Variants in LRRC4C observed in about 807,000 individuals in gnomAD.
LRRC4C encodes leucine-rich repeat-containing protein 4C.
In LRRC4C, 5 loss-of-function variants were observed where a neutral mutation model predicts 33.6. That is an observed-to-expected ratio of 0.15 (90% CI 0.08 to 0.31). The LOEUF is 0.31. Among genes scored for constraint, LRRC4C ranks in the 10% least tolerant of loss-of-function variants. LRRC4C has a pLI of 1.00. For synonymous variants in LRRC4C, 329 were observed against 302.0 expected, an observed-to-expected ratio of 1.09 and a Z score of -0.93; for missense variants, 560 against 796.7, an observed-to-expected ratio of 0.70 and a Z score of 3.58.
chr11:40,268,555 A>C (rs1942453908), intron 4 of LRRC4C, among the ~76,000 whole-genome samples: 1 of 152,160 alleles, frequency 6.6e-6, no homozygotes, highest in Non-Finnish European at 1.5e-5. Flanking sequence ...GAAGATGGAG[A>C]GATATTAAAG....
At chr11:41,377,946 C>G (rs1037131455) in intron 1 of LRRC4C, among the ~76,000 whole-genome samples, 2 of 152,110 alleles carry the variant, frequency 1.3e-5, no homozygotes, top group African/African-American at 2.4e-5. Context: ...GTGTAGTAAT[C>G]ACTTTCCCTT....
intron 3 of LRRC4C, among the ~76,000 whole-genome samples, chr11:40,527,276 A>C (rs757174815): frequency 9.2e-5 from 14 of 152,168 alleles, no homozygotes; most frequent in Non-Finnish European, 2.1e-4. Context: ...AATATACTTT[A>C]CGTGCTTATT....
chr11:40,115,801 A>C lies in LRRC4C; in HGVS notation c.492T>G (p.Pro164=). 2 of 1,614,164 alleles carry C rather than the reference A, an allele frequency of 1.2e-6. No individual in the cohort carries two copies. The highest frequency in any genetic ancestry group is 1.7e-6 in the Non-Finnish European group (2 of 1,180,016). ...WLRNNPIESI[P]SYAFNRIPSL... ...AAGGAATTCTGTTAAAAGCATAAGA[A>C]GGGATGCTTTCAATGGGGTTGTTTC... Residue 164 remains proline, a synonymous_variant, in exon 7 of 7, where the codon CCT becomes CCG. Transcript: ENST00000528697. This position sits in a 1 kb window ranked among gnomAD's most constrained non-coding sequence, Gnocchi z 6.7.
chr11:40,573,748 G>A (rs886540009), intron 3 of LRRC4C, among the ~76,000 whole-genome samples: 5 of 152,186 alleles, frequency 3.3e-5, no homozygotes, highest in African/African-American at 1.2e-4. Flanking sequence ...ATTAACTAAT[G>A]CTTTGACAGA....
At chr11:40,733,789 C>T (rs1349152955) in intron 2 of LRRC4C, among the ~76,000 whole-genome samples, 2 of 152,108 alleles carry the variant, frequency 1.3e-5, no homozygotes, top group Admixed American at 1.3e-4. Flanking sequence ...CCTTCAAATA[C>T]CCATTACTCA....
chr11:40,449,473 A>T (rs1239425842), intron 3 of LRRC4C, among the ~76,000 whole-genome samples: 2 of 152,170 alleles, frequency 1.3e-5, no homozygotes, highest in African/African-American at 4.8e-5. Flanking sequence ...TACTCTAGTG[A>T]TGTAAAAAAT....
intron 2 of LRRC4C, among the ~76,000 whole-genome samples, chr11:40,827,194 G>A (rs1952203000): frequency 6.6e-6 from 1 of 151,786 alleles, no homozygotes; most frequent in African/African-American, 2.4e-5. Flanking sequence ...AACGTATCTA[G>A]GAGGCTGGTT....
At position 40,385,998 on chromosome 11, in the gene LRRC4C, A is replaced by G. The variant is rs143278414; in HGVS notation, c.-269-66277T>C. 1.5e-4 allele frequency among the ~76,000 whole-genome samples: 23 copies of G among 151,470 alleles called. No individual in the cohort carries two copies. The East Asian group carries it at 3.3e-3, about 22-fold the overall frequency. The stretch of plus-strand genomic sequence containing the variant: ...GTATGCCAAATCTCAGCAACATGCA[A>G]TTTAACCTATGTAACAAATCTGCAC... On this transcript the variant is annotated intron_variant, in intron 3 of 6. Transcript: ENST00000528697.
chr11:40,720,813 G>A (rs1484656765), intron 2 of LRRC4C, among the ~76,000 whole-genome samples: 1 of 152,158 alleles, frequency 6.6e-6, no homozygotes, highest in Non-Finnish European at 1.5e-5. Flanking sequence ...TTTATAGTAT[G>A]ATGTATAGGT....
At chr11:40,946,934 G>A (rs1199498868) in intron 1 of LRRC4C, among the ~76,000 whole-genome samples, 1 of 152,018 alleles carries the variant, frequency 6.6e-6, no homozygotes, top group Non-Finnish European at 1.5e-5. Context: ...GCCCACAGTG[G>A]AATAAAAATA....
intron 3 of LRRC4C, among the ~76,000 whole-genome samples, chr11:40,484,672 T>C (rs1374517020): frequency 6.6e-6 from 1 of 151,978 alleles, no homozygotes; most frequent in Non-Finnish European, 1.5e-5. Context: ...AATCAAAACA[T>C]ACAAAACTTA....
chr11:40,279,914 A>G (rs1303432176), intron 4 of LRRC4C, among the ~76,000 whole-genome samples: 2 of 152,186 alleles, frequency 1.3e-5, no homozygotes, highest in Non-Finnish European at 2.9e-5. Context: ...TCTTTAGTAT[A>G]TGAATCTGAG....
intron 1 of LRRC4C, among the ~76,000 whole-genome samples, chr11:41,108,845 A>G (rs1439206553): frequency 2.6e-5 from 4 of 152,058 alleles, no homozygotes; most frequent in African/African-American, 9.7e-5. Flanking sequence ...AAAATTAACA[A>G]CCTACCAAGA....
At chr11:40,336,903 G>GAAGGCGGA (rs1176443933) in intron 3 of LRRC4C, among the ~76,000 whole-genome samples, 1 of 143,442 alleles carries the variant, frequency 7.0e-6, no homozygotes, top group Non-Finnish European at 1.5e-5. Flanking sequence ...CGTGAACCCG[G>GAAGGCGGA]AAGGCGGAGC....
chr11:40,717,151 G>A (rs909773955), intron 2 of LRRC4C, among the ~76,000 whole-genome samples: 2 of 152,100 alleles, frequency 1.3e-5, no homozygotes, highest in Admixed American at 1.3e-4. Flanking sequence ...TCAGGCATGG[G>A]ATATTTGGTG....
chr11:40,881,671 T>A (rs1407644597), intron 2 of LRRC4C, among the ~76,000 whole-genome samples: 2 of 140,144 alleles, frequency 1.4e-5, no homozygotes, highest in East Asian at 2.1e-4. Context: ...TTTTTTTTTT[T>A]ACTGGACAGA....
intron 1 of LRRC4C, among the ~76,000 whole-genome samples, chr11:41,448,006 C>G (rs1387181622): frequency 6.6e-6 from 1 of 151,828 alleles, no homozygotes; most frequent in African/African-American, 2.4e-5. Flanking sequence ...TTATGTTGCC[C>G]CTTCACTAAT....
chr11:41,365,578 GC>G (rs2137716720), intron 1 of LRRC4C, among the ~76,000 whole-genome samples: 1 of 152,132 alleles, frequency 6.6e-6, no homozygotes, highest in East Asian at 1.9e-4. Flanking sequence ...ATATGAAATA[GC>G]ATTTTATAAG....
intron 1 of LRRC4C, among the ~76,000 whole-genome samples, chr11:41,104,036 TC>T (rs1443164942): frequency 6.6e-6 from 1 of 151,898 alleles, no homozygotes; most frequent in African/African-American, 2.4e-5. Flanking sequence ...AAATCTTTGT[TC>T]CTTTGAGTTA....
Sources: gnomAD v4.1 joint callset for allele counts (sites outside exome capture counted in the v4.1 genomes callset) on GRCh38, gnomAD v4.1.1 for gene constraint, Gnocchi (gnomAD v3.1) non-coding constraint, MANE v1.5 for transcripts, NCBI Gene and HGNC (gene_info 2026-07-23, HGNC 2026-07-21) for gene names.